The following RBFOX1 variants were observed in gnomAD, a reference collection of about 807,000 sequenced individuals.
RBFOX1 encodes RNA binding fox-1 homolog 1, also known as RNA binding protein fox-1 homolog 1.
Under a neutral mutation model 57.7 loss-of-function variants are expected in RBFOX1, and 8 were observed. The ratio of observed to expected loss-of-function variants is 0.14; its 90% confidence interval spans 0.08 to 0.25. RBFOX1 has a LOEUF of 0.25. Among genes scored for constraint, RBFOX1 ranks in the 10% least tolerant of loss-of-function variants. RBFOX1 has a pLI of 1.00. For synonymous variants in RBFOX1, 326 were observed against 222.4 expected, an observed-to-expected ratio of 1.47 and a Z score of -4.15; for missense variants, 611 against 548.5, an observed-to-expected ratio of 1.11 and a Z score of -1.14.
At position 5,875,968 on chromosome 16, in the gene RBFOX1, C is replaced by T. The variant is rs150870560; in HGVS notation, c.351+8633C>T. 2.9e-3 allele frequency among the ~76,000 whole-genome samples: 447 copies of T among 151,958 alleles called. 1 individual carries two copies. The highest frequency in any genetic ancestry group is 1.0e-2 in the African/African-American group (413 of 41,432). ...ATGTCATTCTCCTGCCTCAGCCTCC[C>T]GAGTAGCTGGGACTACAGGCCCCCG... On this transcript the variant is annotated intron_variant, in intron 4 of 19. Transcript: ENST00000641259.
intron 3 of RBFOX1, among the ~76,000 whole-genome samples, chr16:6,909,054 C>T (rs991301030): frequency 2.0e-5 from 3 of 152,126 alleles, no homozygotes; most frequent in East Asian, 1.9e-4. Flanking sequence ...AAATGATCAC[C>T]AATTTAGGTG....
At chr16:6,759,644 T>A (rs138840804) in intron 3 of RBFOX1, among the ~76,000 whole-genome samples, 6 of 152,176 alleles carry the variant, frequency 3.9e-5, no homozygotes, top group Non-Finnish European at 7.3e-5. Context: ...TATTTAGGTC[T>A]ATTACTTGTT....
At chr16:7,394,213 G>A (rs2098098726) in intron 4 of RBFOX1, among the ~76,000 whole-genome samples, 1 of 128,690 alleles carries the variant, frequency 7.8e-6, no homozygotes, top group African/African-American at 3.2e-5. Flanking sequence ...TCTAGCCTGG[G>A]CAACAGAGCA....
chr16:5,273,201 G>T (rs1477481899), intron 1 of RBFOX1, among the ~76,000 whole-genome samples: 1 of 151,780 alleles, frequency 6.6e-6, no homozygotes, highest in African/African-American at 2.4e-5. Context: ...TGTGTTTAGA[G>T]CTCAAAGCCA....
At chr16:6,772,506 TTGTA>T (rs985164420) in intron 3 of RBFOX1, among the ~76,000 whole-genome samples, 2 of 119,944 alleles carry the variant, frequency 1.7e-5, no homozygotes, top group Non-Finnish European at 3.6e-5. Context: ...GCGTTTGTGT[TTGTA>T]TGTATATGGG....
chr16:6,956,368 G>A (rs1424369473), intron 3 of RBFOX1, among the ~76,000 whole-genome samples: 4 of 152,208 alleles, frequency 2.6e-5, no homozygotes, highest in East Asian at 1.9e-4. Context: ...GAGTTCTTCA[G>A]TGTCAAGACT....
At chr16:7,298,884 A>G (rs527703996) in intron 4 of RBFOX1, among the ~76,000 whole-genome samples, 2 of 152,258 alleles carry the variant, frequency 1.3e-5, no homozygotes, top group East Asian at 1.9e-4. Context: ...TGGTCTTGCT[A>G]TCTCTGGGTC....
At chr16:6,653,173 T>C (rs536764582) in intron 2 of RBFOX1, among the ~76,000 whole-genome samples, 1 of 152,222 alleles carries the variant, frequency 6.6e-6, no homozygotes, top group South Asian at 2.1e-4. Context: ...CTTTTCTCAA[T>C]TGCCACTTTT....
At chr16:7,440,550 A>T (rs907003973) in intron 4 of RBFOX1, among the ~76,000 whole-genome samples, 3 of 152,172 alleles carry the variant, frequency 2.0e-5, no homozygotes, top group Non-Finnish European at 4.4e-5. Context: ...CCTCAGGCGT[A>T]TAGGCAATTA....
At chr16:7,158,203 G>C (rs756970224) in intron 4 of RBFOX1, among the ~76,000 whole-genome samples, 1 of 151,988 alleles carries the variant, frequency 6.6e-6, no homozygotes, top group South Asian at 2.1e-4. Flanking sequence ...AAAATTAGCC[G>C]AGCGTGCCGG....
intron 3 of RBFOX1, among the ~76,000 whole-genome samples, chr16:5,859,186 C>T (rs1344783925): frequency 6.6e-6 from 1 of 152,154 alleles, no homozygotes; most frequent in African/African-American, 2.4e-5. Flanking sequence ...GCCTGGGCGA[C>T]ACAGCGAGAC....
At chr16:6,651,405 C>G (rs1419370795) in intron 2 of RBFOX1, among the ~76,000 whole-genome samples, 2 of 152,200 alleles carry the variant, frequency 1.3e-5, no homozygotes, top group South Asian at 2.1e-4. Flanking sequence ...CTGCTACACC[C>G]TTATCCATCC....
At chr16:6,892,187 A>T (rs979525447) in intron 3 of RBFOX1, among the ~76,000 whole-genome samples, 5 of 152,088 alleles carry the variant, frequency 3.3e-5, no homozygotes, top group African/African-American at 1.2e-4. Context: ...ATTTTATGCA[A>T]AGTTAATGCC....
At chr16:6,273,521 A>T (rs1198735119) in intron 1 of RBFOX1, among the ~76,000 whole-genome samples, 1 of 151,118 alleles carries the variant, frequency 6.6e-6, no homozygotes, top group Admixed American at 6.6e-5. Flanking sequence ...ATTTTTTTGT[A>T]TTTTTAGTAG....
intron 5 of RBFOX1, among the ~76,000 whole-genome samples, chr16:7,525,293 G>A (rs530248019): frequency 6.6e-6 from 1 of 151,510 alleles, no homozygotes; most frequent in African/African-American, 2.4e-5. Flanking sequence ...TCATTATTTT[G>A]TGTGTGTGTG....
intron 3 of RBFOX1, among the ~76,000 whole-genome samples, chr16:6,923,141 T>C (rs189508128): frequency 6.6e-6 from 1 of 152,294 alleles, no homozygotes; most frequent in East Asian, 1.9e-4. Context: ...GGAAAGCAGC[T>C]GGTCCAGTGT....
At chr16:6,891,312 A>C in intron 3 of RBFOX1, among the ~76,000 whole-genome samples, 1 of 152,244 alleles carries the variant, frequency 6.6e-6, no homozygotes, top group African/African-American at 2.4e-5. Context: ...ATCTCTAAAG[A>C]GGAAAATGAA....
chr16:6,697,017 G>C (rs1028353333), intron 3 of RBFOX1, among the ~76,000 whole-genome samples: 1 of 152,092 alleles, frequency 6.6e-6, no homozygotes, highest in Non-Finnish European at 1.5e-5. Context: ...CTTCCATAAA[G>C]AAAAGCTTAG....
intron 2 of RBFOX1, among the ~76,000 whole-genome samples, chr16:6,624,788 AATTTTTTC>A (rs1298593490): frequency 1.3e-5 from 2 of 152,094 alleles, no homozygotes; most frequent in African/African-American, 4.8e-5. Context: ...GCAATTCTTT[AATTTTTTC>A]ATTTTTTCAG....
Sources: gnomAD v4.1 joint callset for allele counts (sites outside exome capture counted in the v4.1 genomes callset) on GRCh38, gnomAD v4.1.1 for gene constraint, MANE v1.5 for transcripts, NCBI Gene and HGNC (gene_info 2026-07-23, HGNC 2026-07-21) for gene names.